The following SHISA9 variants were observed in gnomAD, a reference collection of about 807,000 sequenced individuals.
SHISA9 encodes protein shisa-9.
Under a neutral mutation model 38.0 loss-of-function variants are expected in SHISA9, and 13 were observed. That is an observed-to-expected ratio of 0.34 (90% confidence interval 0.22 to 0.54). The LOEUF is 0.54. SHISA9 is among the 20% of genes least tolerant of loss of function. SHISA9 has a pLI of 0.91. For synonymous variants in SHISA9, 275 were observed against 242.0 expected, an observed-to-expected ratio of 1.14 and a Z score of -1.27; for missense variants, 538 against 575.8, an observed-to-expected ratio of 0.93 and a Z score of 0.67.
intron 3 of SHISA9, among the ~76,000 whole-genome samples, chr16:13,209,342 G>C (rs1484633094): frequency 1.3e-5 from 2 of 152,124 alleles, no homozygotes; most frequent in South Asian, 4.1e-4. Flanking sequence ...TGATGGGAAA[G>C]ACATACATGA....
the SHISA9 span, among the ~76,000 whole-genome samples, chr16:13,380,287 A>G: frequency 1.3e-5 from 2 of 152,220 alleles, no homozygotes; most frequent in African/African-American, 4.8e-5. Flanking sequence ...TGCTGAGAAC[A>G]AAAAAGTGAA....
At chr16:13,168,217 C>T (rs2050654725) in intron 2 of SHISA9, among the ~76,000 whole-genome samples, 1 of 152,218 alleles carries the variant, frequency 6.6e-6, no homozygotes. Context: ...ACCCATCTGT[C>T]CTAATCACCC....
chr16:13,156,030 G>A (rs992481342), intron 2 of SHISA9, among the ~76,000 whole-genome samples: 1 of 152,196 alleles, frequency 6.6e-6, no homozygotes, highest in African/African-American at 2.4e-5. Context: ...GCAAAAAAAC[G>A]CAAGCTGGGT....
chr16:13,207,139 C>T (rs1370827787), intron 3 of SHISA9, among the ~76,000 whole-genome samples: 1 of 152,202 alleles, frequency 6.6e-6, no homozygotes, highest in African/African-American at 2.4e-5. Flanking sequence ...TGGCAGGCAC[C>T]TGTAATCCCA....
chr16:13,523,477 C>A, the SHISA9 span, among the ~76,000 whole-genome samples: 99 of 151,906 alleles, frequency 6.5e-4, no homozygotes, highest in African/African-American at 2.2e-3. Flanking sequence ...AGAAGAGAGA[C>A]TTAATTCATT....
chr16:13,447,761 A>C, the SHISA9 span, among the ~76,000 whole-genome samples: 1,268 of 152,336 alleles, frequency 8.3e-3, 23 homozygotes, highest in African/African-American at 0.03. Flanking sequence ...ACACACAAAA[A>C]ACTCTTTTTT....
At chr16:12,999,198 C>G (rs1317110490) in intron 2 of SHISA9, among the ~76,000 whole-genome samples, 2 of 152,170 alleles carry the variant, frequency 1.3e-5, no homozygotes, top group African/African-American at 2.4e-5. Context: ...CTAGACAGCT[C>G]TGCAGCACTA....
chr16:13,253,622 A>T, the SHISA9 span, among the ~76,000 whole-genome samples: 1 of 152,182 alleles, frequency 6.6e-6, no homozygotes, highest in African/African-American at 2.4e-5. Flanking sequence ...AGACTTATTC[A>T]CTATGGCAAA....
intron 2 of SHISA9, among the ~76,000 whole-genome samples, chr16:13,052,271 AT>A (rs1271289915): frequency 6.6e-6 from 1 of 152,116 alleles, no homozygotes; most frequent in Non-Finnish European, 1.5e-5. Context: ...ATTTAGAGAC[AT>A]TTTCCCCCCT....
rs138008823 is a variant in SHISA9 at position 13,085,346 on chromosome 16, C to CA, written c.692-118038dup. Among the ~76,000 whole-genome samples the CA allele has an allele frequency of 9.9e-3, 1,384 of 139,668 alleles. 20 individuals are homozygous for CA. Among genetic ancestry groups the CA allele is most frequent in the African/African-American group, 0.032 (1,216 of 37,936 alleles). The allele number at this position is 139,668 out of a possible 152,430, so 91.6% of individuals were successfully genotyped here. On this transcript the variant is annotated intron_variant, in intron 2 of 4. Coordinates refer to ENST00000558583, the MANE Select transcript of SHISA9 (RefSeq NM_001145204.3). ...ATAGTATTTTGTCTAAAGGATTAGA[C>CA]AAAAAAAAAAGGAAGAGCTCCAACA...
intron 2 of SHISA9, among the ~76,000 whole-genome samples, chr16:13,168,828 C>G (rs1216883780): frequency 6.6e-6 from 1 of 152,234 alleles, no homozygotes; most frequent in African/African-American, 2.4e-5. Context: ...AGTCACTTCA[C>G]CTGTCTCAGC....
At chr16:13,541,698 A>C in the SHISA9 span, among the ~76,000 whole-genome samples, 1 of 152,164 alleles carries the variant, frequency 6.6e-6, no homozygotes, top group African/African-American at 2.4e-5. Flanking sequence ...TCCCTTTCAC[A>C]AGGTTGTGGA....
At chr16:13,383,354 C>T in the SHISA9 span, among the ~76,000 whole-genome samples, 1 of 152,042 alleles carries the variant, frequency 6.6e-6, no homozygotes, top group Admixed American at 6.6e-5. Context: ...TATGCAGATA[C>T]TTAAAAAAGA....
chr16:13,471,473 T>C, the SHISA9 span, among the ~76,000 whole-genome samples: 1,253 of 152,294 alleles, frequency 8.2e-3, 16 homozygotes, highest in African/African-American at 0.029. Flanking sequence ...CACTGACAAA[T>C]GCTAGTCAGT....
chr16:13,380,702 G>GGGTT, the SHISA9 span, among the ~76,000 whole-genome samples: 1 of 151,982 alleles, frequency 6.6e-6, no homozygotes, highest in South Asian at 2.1e-4. Context: ...TTTAAGTTCT[G>GGGTT]GGTTACATTT....
chr16:13,058,826 C>G (rs1383699386), intron 2 of SHISA9, among the ~76,000 whole-genome samples: 2 of 151,420 alleles, frequency 1.3e-5, no homozygotes, highest in African/African-American at 2.4e-5. Flanking sequence ...AGCTAGGGAT[C>G]CAGGCAGGAC....
At chr16:12,963,509 G>T (rs1237228685) in intron 2 of SHISA9, among the ~76,000 whole-genome samples, 1 of 152,230 alleles carries the variant, frequency 6.6e-6, no homozygotes, top group Non-Finnish European at 1.5e-5. Context: ...ATTGTTCAGT[G>T]TGTGGGATAA....
chr16:13,151,186 A>C (rs1252447740), intron 2 of SHISA9, among the ~76,000 whole-genome samples: 1 of 152,156 alleles, frequency 6.6e-6, no homozygotes, highest in African/African-American at 2.4e-5. Context: ...ACCTCACTGC[A>C]ACATTTGCCT....
chr16:12,970,216 A>G (rs1596555876), intron 2 of SHISA9, among the ~76,000 whole-genome samples: 1 of 146,614 alleles, frequency 6.8e-6, no homozygotes, highest in East Asian at 2.0e-4. Context: ...ACAAGTGCTG[A>G]TTTGTTACAT....
Sources: gnomAD v4.1 joint callset for allele counts (sites outside exome capture counted in the v4.1 genomes callset) on GRCh38, gnomAD v4.1.1 for gene constraint, MANE v1.5 for transcripts, NCBI Gene and HGNC (gene_info 2026-07-23, HGNC 2026-07-21) for gene names.